TENM2: variants seen among roughly 807,000 people sequenced by gnomAD.
TENM2 encodes teneurin-2.
In TENM2, 52 loss-of-function variants were observed where a neutral mutation model predicts 245.2. The observed-to-expected ratio is 0.21, with a 90% CI of 0.17 to 0.27. The LOEUF is 0.27. TENM2 is among the 10% of genes least tolerant of loss of function. The probability of loss-of-function intolerance (pLI) is 1.00; values close to 1 mark genes in which losing one functional copy is unlikely to be tolerated. For missense variants in TENM2, 3,046 were observed against 3,666.8 expected (o/e 0.83, Z 4.37); for synonymous variants, 1,363 against 1,438.9 (o/e 0.95, Z 1.19).
At chr5:167,527,805 A>G (rs563976557) in intron 2 of TENM2, among the ~76,000 whole-genome samples, 1 of 152,152 alleles carries the variant, frequency 6.6e-6, no homozygotes, top group South Asian at 2.1e-4. Flanking sequence ...TAATCATCCA[A>G]TAGAGTTAGG....
intron 1 of TENM2, among the ~76,000 whole-genome samples, chr5:167,314,357 T>C (rs1449883734): frequency 6.6e-6 from 1 of 152,172 alleles, no homozygotes; most frequent in Non-Finnish European, 1.5e-5. Flanking sequence ...TGAGGAATGA[T>C]ATATCACAAC....
At chr5:167,571,251 A>G (rs1774248973) in intron 2 of TENM2, among the ~76,000 whole-genome samples, 1 of 152,180 alleles carries the variant, frequency 6.6e-6, no homozygotes, top group African/African-American at 2.4e-5. Context: ...AGGTAGCCTT[A>G]CACCCATCTT....
chr5:167,863,014 A>G (rs539156829), intron 2 of TENM2, among the ~76,000 whole-genome samples: 2 of 152,312 alleles, frequency 1.3e-5, no homozygotes, highest in East Asian at 1.9e-4. Flanking sequence ...CAATGACTCT[A>G]TGTAGCCATA....
the TENM2 span, among the ~76,000 whole-genome samples, chr5:167,244,272 A>C: frequency 6.6e-6 from 1 of 152,208 alleles, no homozygotes; most frequent in East Asian, 1.9e-4. Context: ...AATAACTATC[A>C]TAATAGTGAC....
intron 4 of TENM2, among the ~76,000 whole-genome samples, chr5:167,990,456 T>C (rs1183595064): frequency 6.6e-6 from 1 of 152,190 alleles, no homozygotes; most frequent in Non-Finnish European, 1.5e-5. Context: ...TCCTACACAG[T>C]GTTGCAATCC....
the TENM2 span, among the ~76,000 whole-genome samples, chr5:167,188,283 C>G: frequency 6.6e-6 from 1 of 152,142 alleles, no homozygotes; most frequent in Non-Finnish European, 1.5e-5. Flanking sequence ...AAGGTAGTCT[C>G]GCTAGGCCAA....
intron 2 of TENM2, among the ~76,000 whole-genome samples, chr5:167,625,929 C>T (rs1033636122): frequency 2.0e-5 from 3 of 152,072 alleles, no homozygotes; most frequent in African/African-American, 7.2e-5. Context: ...GTTTGAATGT[C>T]CTTATGACAT....
rs371615306 is a variant in TENM2, at chr5:167,924,058, C to T, written c.713-28530C>T. ...GTGCTGACAAAGAGTGTCCAAGTCCCGGGTCTCCTTATTTCTGTTTTCTTA... is the reference window on the plus strand; with the variant it reads ...GTGCTGACAAAGAGTGTCCAAGTCCTGGGTCTCCTTATTTCTGTTTTCTTA... On this transcript the variant is annotated intron_variant, in intron 3 of 28. Transcript: ENST00000518659. 3.2e-4 allele frequency among the ~76,000 whole-genome samples: 48 copies of T among 152,156 alleles called. 1 individual carries two copies. The South Asian group carries it at 8.3e-3, about 26-fold the overall frequency.
rs892242889 is a variant in TENM2, at chr5:167,464,800, ATC to A, written c.502+89329_502+89330del. Among the ~76,000 whole-genome samples the A allele has an allele frequency of 1.4e-4, 22 of 152,312 alleles. No individual in the cohort carries two copies. In the South Asian group the frequency reaches 1.5e-3, roughly 10 times the overall value. Reference sequence around the variant, plus strand: ...AATTGGATATTGTTTCAGCTTTCAAATCTGTTTCATTAGTATTAGCAAGAGAT... The same window carrying A: ...AATTGGATATTGTTTCAGCTTTCAAATGTTTCATTAGTATTAGCAAGAGAT... On this transcript the variant is annotated intron_variant, in intron 2 of 28. Transcript: ENST00000518659.
chr5:167,425,786 T>C (rs952021895), intron 2 of TENM2, among the ~76,000 whole-genome samples: 1 of 152,168 alleles, frequency 6.6e-6, no homozygotes, highest in African/African-American at 2.4e-5. Flanking sequence ...ATGGTGAAGA[T>C]GATGACACCT....
chr5:167,398,555 C>G (rs1436332690), intron 2 of TENM2, among the ~76,000 whole-genome samples: 1 of 151,918 alleles, frequency 6.6e-6, no homozygotes, highest in Non-Finnish European at 1.5e-5. Context: ...CCTCAGCCTC[C>G]CGAGCAGCTG....
intron 13 of TENM2, among the ~76,000 whole-genome samples, chr5:168,167,408 C>A (rs2152461611): frequency 6.6e-6 from 1 of 152,186 alleles, no homozygotes; most frequent in East Asian, 1.9e-4. Flanking sequence ...AGTCAGGAGC[C>A]CTAGCCCTTC....
intron 1 of TENM2, among the ~76,000 whole-genome samples, chr5:167,285,514 T>A (rs1239773979): frequency 6.6e-6 from 1 of 152,248 alleles, no homozygotes; most frequent in Non-Finnish European, 1.5e-5. Flanking sequence ...GATGTAATTA[T>A]CCCTCCTACT....
intron 2 of TENM2, among the ~76,000 whole-genome samples, chr5:167,591,844 T>G (rs1394178779): frequency 6.6e-6 from 1 of 152,184 alleles, no homozygotes. Flanking sequence ...GCAGGATATA[T>G]CCCCTGCTCT....
chr5:167,832,122 G>A (rs1000896118), intron 2 of TENM2, among the ~76,000 whole-genome samples: 1 of 152,212 alleles, frequency 6.6e-6, no homozygotes, highest in African/African-American at 2.4e-5. Flanking sequence ...TGTCAGGGCA[G>A]TAATAATGGT....
the TENM2 span, among the ~76,000 whole-genome samples, chr5:167,243,740 G>A: frequency 6.6e-6 from 1 of 151,960 alleles, no homozygotes; most frequent in African/African-American, 2.4e-5. Context: ...ACACATCTCC[G>A]TGCTTCTATA....
the TENM2 span, among the ~76,000 whole-genome samples, chr5:167,118,018 T>G: frequency 1.3e-5 from 2 of 152,222 alleles, no homozygotes; most frequent in Non-Finnish European, 2.9e-5. Context: ...TCTATACACT[T>G]CTTTCTACTA....
chr5:168,015,680 T>G (rs1457696701), intron 5 of TENM2, among the ~76,000 whole-genome samples: 1 of 152,166 alleles, frequency 6.6e-6, no homozygotes, highest in Non-Finnish European at 1.5e-5. Context: ...TTCTTTTCTG[T>G]GGTGGGTGTT....
At chr5:167,063,814 C>T in the TENM2 span, among the ~76,000 whole-genome samples, 14 of 152,164 alleles carry the variant, frequency 9.2e-5, no homozygotes, top group African/African-American at 3.4e-4. Context: ...CTCTTAATGG[C>T]TAGAAAGTTT....
Sources: allele counts gnomAD v4.1 joint callset (sites outside exome capture counted in the v4.1 genomes callset), GRCh38; gene constraint gnomAD v4.1.1; transcripts MANE v1.5; gene names NCBI Gene and HGNC (gene_info 2026-07-23, HGNC 2026-07-21).